The following DGKI variants were observed in gnomAD, a reference collection of about 807,000 sequenced individuals.
The protein encoded by DGKI is DAG kinase iota.
In DGKI, 55 loss-of-function variants were observed where a neutral mutation model predicts 147.5. The observed-to-expected ratio is 0.37, with a 90% CI of 0.30 to 0.47. The LOEUF (loss-of-function observed/expected upper bound fraction) is 0.47, where lower values mean the gene tolerates loss of function less well. Among genes scored for constraint, DGKI ranks in the 20% least tolerant of loss-of-function variants. The probability of loss-of-function intolerance (pLI) is 1.00; values close to 1 mark genes in which losing one functional copy is unlikely to be tolerated. For missense variants in DGKI, 1,007 were observed against 1,323.8 expected (o/e 0.76, Z 3.71); for synonymous variants, 469 against 477.1 (o/e 0.98, Z 0.22).
At chr7:137,808,163 C>A (rs532477770) in intron 1 of DGKI, among the ~76,000 whole-genome samples, 6 of 152,184 alleles carry the variant, frequency 3.9e-5, no homozygotes, top group Non-Finnish European at 5.9e-5. Flanking sequence ...ATAATCTCCA[C>A]AGCAACCAAT....
At chr7:137,427,657 G>C (rs1229359536) in intron 28 of DGKI, among the ~76,000 whole-genome samples, 1 of 151,868 alleles carries the variant, frequency 6.6e-6, no homozygotes, top group African/African-American at 2.4e-5. Flanking sequence ...CCACTAGCAA[G>C]ACTAATAAAG....
intron 2 of DGKI, among the ~76,000 whole-genome samples, chr7:137,688,271 T>C (rs112305751): frequency 0.015 from 2,265 of 152,252 alleles, 55 homozygotes; most frequent in African/African-American, 0.051. Context: ...GTAACCAATA[T>C]AGATTCTAGT....
At chr7:137,489,149 A>G (rs1178578970) in intron 21 of DGKI, among the ~76,000 whole-genome samples, 3 of 152,200 alleles carry the variant, frequency 2.0e-5, no homozygotes, top group African/African-American at 7.2e-5. Flanking sequence ...TTGTGGAACT[A>G]TGGAAGCCTG....
intron 19 of DGKI, among the ~76,000 whole-genome samples, chr7:137,563,435 T>C (rs1239437122): frequency 6.6e-6 from 1 of 151,844 alleles, no homozygotes; most frequent in Admixed American, 6.6e-5. Flanking sequence ...TAGAGTGGCA[T>C]AAAAATTTTT....
intron 1 of DGKI, among the ~76,000 whole-genome samples, chr7:137,836,920 G>A (rs1288073519): frequency 6.6e-6 from 1 of 152,160 alleles, no homozygotes; most frequent in Non-Finnish European, 1.5e-5. Context: ...AAACACATGG[G>A]TCTCTCTCCT....
rs1823613006 is a variant in DGKI, at chr7:137,691,798, G to GTTTTTTTTGTTT, written c.402-1797_402-1796insAAACAAAAAAAA. On this transcript the variant is annotated intron_variant, in intron 1 of 32. Coordinates refer to ENST00000614521, the MANE Select transcript of DGKI (RefSeq NM_001321708.2). Reference sequence around the variant, plus strand: ...GCTCAGCAAGTGTCTAGACCTTTGGGTTTTTTTTTTTTTTTTTTTTTTTAA... The same window carrying GTTTTTTTTGTTT: ...GCTCAGCAAGTGTCTAGACCTTTGGGTTTTTTTTGTTTTTTTTTTTTTTTTTTTTTTTTTTAA... 5.2e-5 allele frequency among the ~76,000 whole-genome samples: 5 copies of GTTTTTTTTGTTT among 95,816 alleles called. No individual in the cohort carries two copies. In the East Asian group the frequency reaches 1.7e-3, roughly 33 times the overall value. 62.9% of individuals were successfully genotyped at this position (95,816 alleles called of 152,430 possible). A position where few individuals can be genotyped will look rare whatever the true frequency, so the allele number is the denominator to read the frequency against.
intron 15 of DGKI, among the ~76,000 whole-genome samples, chr7:137,581,241 A>G (rs889025289): frequency 2.6e-5 from 4 of 152,128 alleles, no homozygotes; most frequent in Admixed American, 6.5e-5. Flanking sequence ...ACCTGAAATC[A>G]CTACATGGTC....
At chr7:137,410,857 A>G (rs1812136089) in intron 29 of DGKI, among the ~76,000 whole-genome samples, 1 of 152,188 alleles carries the variant, frequency 6.6e-6, no homozygotes, top group African/African-American at 2.4e-5. Flanking sequence ...AAGAAACGGC[A>G]CTGAACTCAT....
rs187402309 is a variant in DGKI, at chr7:137,652,257, C to G, written c.738+2475G>C. Among the ~76,000 whole-genome samples, 209 of 152,082 alleles carry G rather than the reference C, an allele frequency of 1.4e-3. 1 individual carries two copies. The highest frequency in any genetic ancestry group is 4.6e-3 in the African/African-American group (189 of 41,462). On this transcript the variant is annotated intron_variant, in intron 5 of 32. Transcript: ENST00000614521. ...GAAGACAAGGGAGAATATCCAAAAC[C>G]CTTATGGAAGGTCTAGCTTCAGAGA...
intron 7 of DGKI, among the ~76,000 whole-genome samples, chr7:137,621,272 T>C (rs1820738092): frequency 6.6e-6 from 1 of 152,236 alleles, no homozygotes; most frequent in Non-Finnish European, 1.5e-5. Context: ...ATTGCTTTTT[T>C]TTCTTGGCAA....
At chr7:137,586,021 A>C (rs1819381100) in intron 13 of DGKI, among the ~76,000 whole-genome samples, 1 of 152,208 alleles carries the variant, frequency 6.6e-6, no homozygotes, top group South Asian at 2.1e-4. Context: ...CCTACTTTAA[A>C]AAAAGACCTG....
At chr7:137,463,847 T>C (rs540414762) in intron 26 of DGKI, among the ~76,000 whole-genome samples, 42 of 152,300 alleles carry the variant, frequency 2.8e-4, no homozygotes, top group African/African-American at 8.9e-4. Context: ...GATTAAGTCA[T>C]TTTAAATGTG....
chr7:137,753,137 A>G lies in DGKI; in HGVS notation c.402-63135T>C, dbSNP rs1795561554. Among the ~76,000 whole-genome samples, 3 of 152,176 alleles carry G rather than the reference A, an allele frequency of 2.0e-5. No individual in the cohort carries two copies. The South Asian group carries it at 6.2e-4, about 32-fold the overall frequency. On this transcript the variant is annotated intron_variant, in intron 1 of 32. Transcript: ENST00000614521. ...ATAATCATCTCAACTTCTCCCCATG[A>G]GGTCCCTAAATAATAAACAAAGTTA... is the stretch of plus-strand genomic sequence containing the variant.
chr7:137,441,420 C>CA (rs538892825), intron 28 of DGKI, among the ~76,000 whole-genome samples: 24,157 of 66,654 alleles, frequency 0.36, 4,395 homozygotes, highest in East Asian at 0.64. Flanking sequence ...GACTCCGTCT[C>CA]AAAAAAAAAA....
intron 20 of DGKI, among the ~76,000 whole-genome samples, chr7:137,540,534 AG>A (rs1241954182): frequency 6.6e-6 from 1 of 152,034 alleles, no homozygotes; most frequent in Non-Finnish European, 1.5e-5. Context: ...CTACTTCAAA[AG>A]TTAGCTAGGC....
chr7:137,736,318 G>A (rs1345379879), intron 1 of DGKI, among the ~76,000 whole-genome samples: 4 of 152,050 alleles, frequency 2.6e-5, no homozygotes, highest in African/African-American at 7.2e-5. Context: ...TAGGTTGCAC[G>A]AGGCATCTTA....
intron 27 of DGKI, among the ~76,000 whole-genome samples, chr7:137,444,475 T>C (rs953191560): frequency 2.6e-5 from 4 of 152,222 alleles, no homozygotes; most frequent in Non-Finnish European, 5.9e-5. Context: ...AGCATTAGAT[T>C]GGGTGTCTGT....
At chr7:137,695,190 G>T (rs1240822346) in intron 1 of DGKI, among the ~76,000 whole-genome samples, 1 of 152,162 alleles carries the variant, frequency 6.6e-6, no homozygotes, top group African/African-American at 2.4e-5. Context: ...AAGCCCTCCA[G>T]GTATTTCTAA....
chr7:137,463,618 G>A lies in DGKI; in HGVS notation c.2613-7C>T. The A allele has an allele frequency of 6.2e-7, 1 of 1,613,888 alleles. No homozygotes were observed. Among genetic ancestry groups the A allele is most frequent in the Admixed American group, 1.7e-5 (1 of 59,958 alleles). ...ATTCCACCAGTCTGAGATCCTGAGAGAAAGAAGGGCACCAGACAGTTAAAC... is the reference window on the plus strand; with the variant it reads ...ATTCCACCAGTCTGAGATCCTGAGAAAAAGAAGGGCACCAGACAGTTAAAC... On this transcript the variant is annotated splice_region_variant and splice_polypyrimidine_tract_variant and intron_variant, in intron 26 of 32. Transcript: ENST00000614521.
Sources: gnomAD v4.1 joint callset for allele counts (sites outside exome capture counted in the v4.1 genomes callset) on GRCh38, gnomAD v4.1.1 for gene constraint, MANE v1.5 for transcripts, NCBI Gene and HGNC (gene_info 2026-07-23, HGNC 2026-07-21) for gene names.